The following THOC2 variants were observed in gnomAD, a reference collection of about 807,000 sequenced individuals.
THOC2 encodes THO complex 2.
In THOC2, 10 loss-of-function variants were observed where a neutral mutation model predicts 128.4. The observed-to-expected ratio is 0.08, with a 90% CI of 0.05 to 0.13. The LOEUF (loss-of-function observed/expected upper bound fraction) is 0.13. Ranked by LOEUF, THOC2 falls within the 10% of genes least tolerant of loss-of-function variation. The pLI, the probability that THOC2 is intolerant of heterozygous loss-of-function variation, is 1.00. For synonymous variants in THOC2, 393 were observed against 396.9 expected, an observed-to-expected ratio of 0.99 and a Z score of 0.12; for missense variants, 535 against 1,155.7, an observed-to-expected ratio of 0.46 and a Z score of 7.79.
At chrX:123,713,319 A>G (rs1284985798) in intron 1 of THOC2, among the ~76,000 whole-genome samples, 1 of 110,117 alleles carries the variant, frequency 9.1e-6, no homozygotes, top group African/African-American at 3.3e-5. Flanking sequence ...CTAAAATACA[A>G]AAGAAATTAG....
intron 15 of THOC2, among the ~76,000 whole-genome samples, chrX:123,642,207 C>CCT: frequency 9.0e-6 from 1 of 111,521 alleles, no homozygotes; most frequent in Non-Finnish European, 1.9e-5. Context: ...GGGTGAATCA[C>CCT]AAGGTCAGGA....
chrX:123,638,727 T>TAC (rs753366301), intron 17 of THOC2, among the ~76,000 whole-genome samples: 6,139 of 81,321 alleles, frequency 0.075, 307 homozygotes, highest in African/African-American at 0.17. Context: ...GACACACACG[T>TAC]ACACACACAC....
intron 33 of THOC2, among the ~76,000 whole-genome samples, chrX:123,618,253 C>T (rs370146405): frequency 1.1e-4 from 12 of 111,275 alleles, no homozygotes; most frequent in African/African-American, 3.3e-4. Context: ...AGAATAACCC[C>T]GATATCTACT....
chrX:123,647,296 T>C (rs2048165070), intron 12 of THOC2, among the ~76,000 whole-genome samples: 1 of 112,345 alleles, frequency 8.9e-6, no homozygotes, highest in African/African-American at 3.2e-5. Context: ...TAGGAAAATA[T>C]ATTCTACTCC....
At chrX:123,614,291 T>A in intron 33 of THOC2, 102 bp from the exon 34 acceptor site, 1 of 669,988 alleles carries the variant, frequency 1.5e-6, no homozygotes, top group Non-Finnish European at 2.1e-6. Context: ...ATACCCAAAG[T>A]AAAAACTGGT....
At chrX:123,698,969 A>T (rs2050570254) in intron 4 of THOC2, among the ~76,000 whole-genome samples, 1 of 111,707 alleles carries the variant, frequency 9.0e-6, no homozygotes, top group South Asian at 3.7e-4. Context: ...GAAATATTTA[A>T]AAACTGAGAG....
At chrX:123,629,566 T>C (rs1170813793) in intron 22 of THOC2, among the ~76,000 whole-genome samples, 1 of 111,608 alleles carries the variant, frequency 9.0e-6, no homozygotes, top group Non-Finnish European at 1.9e-5. Context: ...ACAATTGTTC[T>C]AGAATTTTAC....
chrX:123,652,450 A>G (rs1455851730), intron 12 of THOC2, among the ~76,000 whole-genome samples: 1 of 111,859 alleles, frequency 8.9e-6, no homozygotes, highest in Non-Finnish European at 1.9e-5. Context: ...GCCAAGAGAA[A>G]GAAATAAAGG....
intron 7 of THOC2, among the ~76,000 whole-genome samples, chrX:123,695,578 A>T (rs1388767082): frequency 1.8e-5 from 2 of 112,267 alleles, no homozygotes; most frequent in Non-Finnish European, 3.8e-5. Flanking sequence ...TAGTTTCAAA[A>T]GTTCACTGAA....
intron 12 of THOC2, 86 bp downstream of exon 12, chrX:123,665,556 T>C (rs753617640): frequency 1.5e-6 from 1 of 657,432 alleles, no homozygotes; most frequent in East Asian, 3.7e-5. Flanking sequence ...AGGTTCATAT[T>C]TTTATTTCTA....
rs2147839270 is a variant in THOC2 at position 123,677,255 on chromosome X, AAGAATGGAGTGTGC to A, written c.769-5508_769-5495del. 2.7e-5 allele frequency among the ~76,000 whole-genome samples: 3 copies of A among 111,472 alleles called. No homozygotes were observed. The East Asian group carries it at 8.4e-4, about 31-fold the overall frequency. ...GGTACACCTGTGTAGGACACCCACC[AAGAATGGAGTGTGC>A]AGGATCAGAAGTTGCTCTGGGTAAG... is the stretch of plus-strand genomic sequence containing the variant. On this transcript the variant is annotated intron_variant, in intron 8 of 38. Coordinates refer to ENST00000245838, the MANE Select transcript of THOC2 (RefSeq NM_001081550.2).
Position 123,656,239 on chromosome X carries a change from C to T in THOC2, c.1386+9403G>A, listed in dbSNP as rs943419235. 6.8e-5 allele frequency among the ~76,000 whole-genome samples: 7 copies of T among 103,397 alleles called. No individual in the cohort carries two copies. The Admixed American group carries it at 7.6e-4, about 11-fold the overall frequency. The allele number at this position is 103,397 out of a possible 115,157, so 89.8% of individuals were successfully genotyped here. On this transcript the variant is annotated intron_variant, in intron 12 of 38. Transcript: ENST00000245838. ...TGAGGAGGCTGAGGCAGGAGAATAG[C>T]TTGAACCCGTGAACCCGGGAGGCAG... is the stretch of plus-strand genomic sequence containing the variant.
At chrX:123,684,591 T>G (rs922897058) in intron 8 of THOC2, among the ~76,000 whole-genome samples, 4 of 111,786 alleles carry the variant, frequency 3.6e-5, no homozygotes, top group African/African-American at 1.3e-4. Context: ...TTTCGCCATG[T>G]TGGCCAGGCT....
intron 15 of THOC2, among the ~76,000 whole-genome samples, chrX:123,642,128 A>G (rs1239595060): frequency 1.8e-5 from 2 of 112,455 alleles, no homozygotes; most frequent in Admixed American, 9.4e-5. Flanking sequence ...AGGTCAGTGT[A>G]GAAATATAAG....
intron 8 of THOC2, among the ~76,000 whole-genome samples, chrX:123,672,980 T>C (rs6648534): frequency 0.31 from 35,081 of 111,636 alleles, 4,061 homozygotes; most frequent in East Asian, 0.68. Context: ...ATAGAAGGCA[T>C]TGTTTCACTC....
intron 32 of THOC2, 36 bp downstream of exon 32, chrX:123,620,871 C>A (rs1194505733): frequency 8.4e-7 from 1 of 1,186,937 alleles, no homozygotes; most frequent in African/African-American, 1.8e-5. Context: ...ACAGGTGAGC[C>A]TAACATGGAC....
intron 23 of THOC2, among the ~76,000 whole-genome samples, 168 bp downstream of exon 23, chrX:123,627,525 A>C (rs953945363): frequency 3.6e-5 from 4 of 111,821 alleles, no homozygotes; most frequent in Non-Finnish European, 7.5e-5. Flanking sequence ...CCTAGTCACC[A>C]AACTCCTGGC....
intron 12 of THOC2, among the ~76,000 whole-genome samples, chrX:123,662,587 C>CAAAA (rs777761030): frequency 8.4e-5 from 4 of 47,434 alleles, no homozygotes; most frequent in Non-Finnish European, 1.2e-4. Flanking sequence ...GACTCCGTCT[C>CAAAA]AAAAAAAAAA....
chrX:123,732,890 A>G lies in THOC2; in HGVS notation c.71+62T>C. 2.7e-6 allele frequency: 3 copies of G among 1,094,879 alleles called. No individual in the cohort carries two copies. In the East Asian group the frequency reaches 9.0e-5, roughly 33 times the overall value. The allele number at this position is 1,094,879 out of a possible 1,213,427, so 90.2% of individuals were successfully genotyped here. On this transcript the variant is annotated intron_variant, in intron 1 of 38. Coordinates refer to ENST00000245838, the MANE Select transcript of THOC2 (RefSeq NM_001081550.2). Reference sequence around the variant, plus strand: ...CCCCCTCAACCTCCCACTACAGGTGAGAGTGCAGCTGACGCCCTGGCCCGG... The same window carrying G: ...CCCCCTCAACCTCCCACTACAGGTGGGAGTGCAGCTGACGCCCTGGCCCGG...
Sources: gnomAD v4.1 joint callset for allele counts (sites outside exome capture counted in the v4.1 genomes callset) on GRCh38, gnomAD v4.1.1 for gene constraint, MANE v1.5 for transcripts, NCBI Gene and HGNC (gene_info 2026-07-23, HGNC 2026-07-21) for gene names.